Variants in INPP5F observed in about 807,000 individuals in gnomAD.
The protein encoded by INPP5F is inositol polyphosphate-5-phosphatase F, also known as phosphatidylinositide 4-phosphatase SAC2.
In INPP5F, 97 loss-of-function variants were observed where a neutral mutation model predicts 137.2. That is an observed-to-expected ratio of 0.71 (90% CI 0.60 to 0.84). The LOEUF is 0.84. Ranked by LOEUF, INPP5F falls within the 40% of genes least tolerant of loss-of-function variation. The pLI, the probability that INPP5F is intolerant of heterozygous loss-of-function variation, is 0.00. For missense variants in INPP5F, 1,271 were observed against 1,371.9 expected (o/e 0.93, Z 1.16); for synonymous variants, 504 against 476.9 (o/e 1.06, Z -0.74).
At chr10:119,742,921 G>C (rs1848418002) in intron 1 of INPP5F, among the ~76,000 whole-genome samples, 1 of 152,186 alleles carries the variant, frequency 6.6e-6, no homozygotes, top group Admixed American at 6.5e-5. Context: ...GAACCCGGGA[G>C]GTGGAGGTTG....
intron 9 of INPP5F, among the ~76,000 whole-genome samples, chr10:119,799,694 T>C (rs1349492355): frequency 1.3e-5 from 2 of 152,240 alleles, no homozygotes; most frequent in Admixed American, 6.5e-5. Context: ...AACATACTTA[T>C]ACTGCTTAGC....
chr10:119,788,246 C>T (rs531103313), intron 3 of INPP5F, among the ~76,000 whole-genome samples: 4 of 151,892 alleles, frequency 2.6e-5, no homozygotes, highest in Non-Finnish European at 5.9e-5. Context: ...GTGGGGGAGA[C>T]GTCACATGCA....
In INPP5F at chr10:119,748,127, C is replaced by T. The variant is rs1000086805; in HGVS notation, c.98-2949C>T. Among the ~76,000 whole-genome samples, 21 of 152,296 alleles carry T rather than the reference C, an allele frequency of 1.4e-4. No homozygotes were observed. Among genetic ancestry groups the T allele is most frequent in the African/African-American group, 3.9e-4 (16 of 41,552 alleles). ...GAGTGGCGAGTGGTGTATGAGCGAG[C>T]GTGCACGGTCCAGACACTATGCACA... On this transcript the variant is annotated intron_variant, in intron 1 of 19. Coordinates refer to ENST00000650623, the MANE Select transcript of INPP5F (RefSeq NM_014937.4). The surrounding 1 kb of genome is among the most constrained non-coding windows in gnomAD (Gnocchi z 4.7).
chr10:119,799,628 T>C (rs1850513006), intron 9 of INPP5F, among the ~76,000 whole-genome samples: 1 of 152,172 alleles, frequency 6.6e-6, no homozygotes, highest in South Asian at 2.1e-4. Flanking sequence ...TCTCACACAT[T>C]GGTTGAAGGA....
Position 119,791,854 on chromosome 10 carries a change from A to G in INPP5F, c.445-15A>G. The G allele has an allele frequency of 6.4e-7, 1 of 1,561,636 alleles. No homozygotes were observed. The highest frequency in any genetic ancestry group is 1.2e-5 in the South Asian group (1 of 85,080). ...CATTTAATTTCTGTAGTAATAGTAG[A>G]TTAATTTCTTATAGGTTAAGGAAAG... On this transcript the variant is annotated splice_polypyrimidine_tract_variant and intron_variant, in intron 4 of 19. Coordinates refer to ENST00000650623, the MANE Select transcript of INPP5F (RefSeq NM_014937.4).
Position 119,826,808 on chromosome 10 carries a change from T to C in INPP5F, c.2427T>C (p.Pro809=), listed in dbSNP as rs778937410. 1 of 1,613,594 alleles carries C rather than the reference T, an allele frequency of 6.2e-7. No homozygotes were observed. The highest frequency in any genetic ancestry group is 8.5e-7 in the Non-Finnish European group (1 of 1,179,840). The part of the protein sequence containing the change: ...NLRKLGNFTK[P]EMKVNFLKPN... ...GAAAGCTAGGAAACTTTACCAAACCTGAAATGAAAGTTAACTTTCTAAAAC... is the reference window on the plus strand; with the variant it reads ...GAAAGCTAGGAAACTTTACCAAACCCGAAATGAAAGTTAACTTTCTAAAAC... The change falls in exon 20 of 20, where the codon CCT becomes CCC. Residue 809 remains proline, a synonymous_variant. Coordinates refer to ENST00000650623, the MANE Select transcript of INPP5F (RefSeq NM_014937.4).
At chr10:119,805,157 T>A (rs1012135859) in intron 10 of INPP5F, among the ~76,000 whole-genome samples, 3 of 152,234 alleles carry the variant, frequency 2.0e-5, no homozygotes, top group African/African-American at 7.2e-5. Context: ...GCTTCTGATG[T>A]CTGTAGTATG....
Position 119,791,856 on chromosome 10 carries a change from T to G in INPP5F, c.445-13T>G, listed in dbSNP as rs1850157347. The G allele has an allele frequency of 7.0e-6, 11 of 1,564,378 alleles. No individual in the cohort carries two copies. Among genetic ancestry groups the G allele is most frequent in the Non-Finnish European group, 8.7e-6 (10 of 1,151,412 alleles). On this transcript the variant is annotated splice_polypyrimidine_tract_variant and intron_variant, in intron 4 of 19. Coordinates refer to ENST00000650623, the MANE Select transcript of INPP5F (RefSeq NM_014937.4). The stretch of plus-strand genomic sequence containing the variant: ...TTTAATTTCTGTAGTAATAGTAGAT[T>G]AATTTCTTATAGGTTAAGGAAAGTA...
intron 2 of INPP5F, among the ~76,000 whole-genome samples, chr10:119,774,635 T>G (rs182407890): frequency 1.3e-5 from 2 of 152,174 alleles, no homozygotes; most frequent in African/African-American, 2.4e-5. Flanking sequence ...CATTTCTTAA[T>G]TGGAATTAGT....
chr10:119,765,865 C>CTATA lies in INPP5F; in HGVS notation c.178+14722_178+14725dup, dbSNP rs551639582. Among the ~76,000 whole-genome samples, 151 of 29,874 alleles carry CTATA rather than the reference C, an allele frequency of 5.1e-3. 1 individual carries two copies. Among genetic ancestry groups the CTATA allele is most frequent in the African/African-American group, 1.0e-2 (145 of 14,524 alleles). 19.6% of individuals were successfully genotyped at this position (29,874 alleles called of 152,430 possible). A position where few individuals can be genotyped will look rare whatever the true frequency, so the allele number is the denominator to read the frequency against. On this transcript the variant is annotated intron_variant, in intron 2 of 19. Transcript: ENST00000650623. Reference sequence around the variant, plus strand: ...TTAATCTCTCTGTATACACTATATACTATATATATATATATAGAGAGAGAG... The same window carrying CTATA: ...TTAATCTCTCTGTATACACTATATACTATATATATATATATATATAGAGAGAGAG...
In INPP5F at chr10:119,748,315, G is replaced by T. The variant is rs145932683; in HGVS notation, c.98-2761G>T. Among the ~76,000 whole-genome samples the T allele has an allele frequency of 0.042, 6,349 of 152,300 alleles. 239 individuals carry two copies. Among genetic ancestry groups the T allele is most frequent in the South Asian group, 0.22 (1,047 of 4,826 alleles). On this transcript the variant is annotated intron_variant, in intron 1 of 19. Transcript: ENST00000650623. This position sits in a 1 kb window ranked among gnomAD's most constrained non-coding sequence, Gnocchi z 4.7. Reference sequence around the variant, plus strand: ...AAGCTTGGAGATGCCAGGAACTGCAGAGCCCCACTGTCACAGCCCTGGCTC... The same window carrying T: ...AAGCTTGGAGATGCCAGGAACTGCATAGCCCCACTGTCACAGCCCTGGCTC...
chr10:119,798,370 GAA>G (rs1336890959), intron 8 of INPP5F, among the ~76,000 whole-genome samples, 171 bp from the exon 9 acceptor site: 1 of 151,684 alleles, frequency 6.6e-6, no homozygotes, highest in Non-Finnish European at 1.5e-5. Flanking sequence ...AGTGTAACTG[GAA>G]AAAAAATCAG....
Position 119,827,124 on chromosome 10 carries a change from G to T in INPP5F, c.2743G>T (p.Val915Phe). 6.2e-7 allele frequency: 1 copy of T among 1,614,140 alleles called. No homozygotes were observed. The highest frequency in any genetic ancestry group is 8.5e-7 in the Non-Finnish European group (1 of 1,180,038). Residue 915 changes from valine (V) to phenylalanine (F), a missense_variant, in exon 20 of 20, where the codon GTT (valine) becomes TTT (phenylalanine). This residue lies in a region of INPP5F where 490 missense variants were observed against 443.7 expected (regional missense o/e 1.10). Coordinates refer to ENST00000650623, the MANE Select transcript of INPP5F (RefSeq NM_014937.4). ...SQSLSSTDSS[V>F]HAPSEITVAH... ...GTCTCTTAGCAGCACAGATAGTAGC[G>T]TTCATGCTCCTTCAGAGATTACTGT...
chr10:119,773,816 C>A (rs1213886909), intron 2 of INPP5F, among the ~76,000 whole-genome samples: 1 of 152,166 alleles, frequency 6.6e-6, no homozygotes, highest in Non-Finnish European at 1.5e-5. Context: ...AGTCCTCTTG[C>A]CTCAGCCTCC....
rs199760450 is a variant in INPP5F at position 119,751,119 on chromosome 10, G to A, written c.141G>A (p.Leu47=). The A allele has an allele frequency of 1.1e-4, 176 of 1,611,534 alleles. 2 individuals are homozygous for A. The East Asian group carries it at 3.7e-3, about 34-fold the overall frequency. ...CCTGGAATCCCATTTGTTTGGGGTT[G>A]GTAGAAGGTGTTATTGGGAAAATTC... ...LLAWNPICLG[L]VEGVIGKIQL... Residue 47 remains leucine (L), a synonymous_variant, in exon 2 of 20, where the codon TTG becomes TTA. Transcript: ENST00000650623.
chr10:119,805,531 C>A, intron 11 of INPP5F, 70 bp downstream of exon 11: 3 of 1,030,740 alleles, frequency 2.9e-6, no homozygotes, highest in Non-Finnish European at 3.0e-6. Context: ...GAGCATTAAA[C>A]TGATAGCAGC....
chr10:119,810,052 G>A (rs957988901), intron 13 of INPP5F, 48 bp from the exon 14 acceptor site: 3 of 1,009,212 alleles, frequency 3.0e-6, no homozygotes, highest in Non-Finnish European at 4.7e-6. Flanking sequence ...TATTTTGGGG[G>A]CATTCTTGTG....
rs200013260 is a variant in INPP5F, at chr10:119,827,449, C to T, written c.3068C>T (p.Pro1023Leu). 1.2e-6 allele frequency: 2 copies of T among 1,614,194 alleles called. No individual in the cohort carries two copies. Among genetic ancestry groups the T allele is most frequent in the East Asian group, 2.2e-5 (1 of 44,884 alleles). The change falls in exon 20 of 20, where the codon CCA (proline) becomes CTA (leucine). Residue 1023 changes from proline to leucine, a missense_variant. Around this residue, in one of 6 missense-constraint regions of INPP5F, gnomAD observed 490 missense variants for 443.7 expected, o/e 1.10. Coordinates refer to ENST00000650623, the MANE Select transcript of INPP5F (RefSeq NM_014937.4). ...QLDVSLSATG[P>L]QFLSVEPAHS... is the part of the protein sequence containing the mutation. The stretch of plus-strand genomic sequence containing the variant: ...GATGTCTCTCTTTCTGCAACAGGCC[C>T]ACAGTTTTTGTCAGTTGAGCCAGCG...
rs1851841492 is a variant in INPP5F at position 119,828,003 on chromosome 10, C to T, written c.*223C>T. 1 of 428,036 alleles carries T rather than the reference C, an allele frequency of 2.3e-6. No individual in the cohort carries two copies. The highest frequency in any genetic ancestry group is 4.2e-6 in the Non-Finnish European group (1 of 239,724). 26.5% of individuals were successfully genotyped at this position (428,036 alleles called of 1,614,324 possible). On this transcript the variant is annotated 3_prime_UTR_variant, in exon 20 of 20. Transcript: ENST00000650623. ...GTAGACCTGAGTAGCTTATACACTACAGAGCACTTTGCTTATTTGAAAGTA... is the reference window on the plus strand; with the variant it reads ...GTAGACCTGAGTAGCTTATACACTATAGAGCACTTTGCTTATTTGAAAGTA...
Sources: allele counts gnomAD v4.1 joint callset (sites outside exome capture counted in the v4.1 genomes callset), GRCh38; gene constraint gnomAD v4.1.1; regional missense constraint gnomAD v4.1.1; non-coding constraint Gnocchi (gnomAD v3.1); transcripts MANE v1.5; gene names NCBI Gene and HGNC (gene_info 2026-07-23, HGNC 2026-07-21).